CNIH3: variants seen among roughly 807,000 people sequenced by gnomAD.
CNIH3 encodes the protein cornichon family AMPA receptor auxiliary protein 3.
A neutral mutation model predicts 24.1 loss-of-function variants in CNIH3; 14 were observed. That is an observed-to-expected ratio of 0.58 (90% CI 0.38 to 0.91). The LOEUF is 0.91. Ranked by LOEUF, CNIH3 falls within the 40% of genes least tolerant of loss-of-function variation. CNIH3 has a pLI of 0.00. For missense variants in CNIH3, 178 were observed against 196.8 expected, an observed-to-expected ratio of 0.90 and a Z score of 0.57; for synonymous variants, 68 against 73.8, an observed-to-expected ratio of 0.92 and a Z score of 0.40.
intron 4 of CNIH3, among the ~76,000 whole-genome samples, chr1:224,732,124 A>G (rs1689365138): frequency 6.6e-6 from 1 of 152,184 alleles, no homozygotes; most frequent in South Asian, 2.1e-4. Context: ...ATGAAATCCA[A>G]TGAGGGGGTT....
At chr1:224,456,735 A>C (rs1023511769) in intron 1 of CNIH3, among the ~76,000 whole-genome samples, 1 of 151,968 alleles carries the variant, frequency 6.6e-6, no homozygotes, top group Non-Finnish European at 1.5e-5. Context: ...TCTTTTTGAC[A>C]CTCTTCAGCT....
chr1:224,677,816 G>T (rs907189226), intron 1 of CNIH3, among the ~76,000 whole-genome samples: 1 of 152,212 alleles, frequency 6.6e-6, no homozygotes, highest in Non-Finnish European at 1.5e-5. Context: ...TGGGGGCTTG[G>T]CTCCCTTTCC....
At chr1:224,477,108 G>A (rs1348537380) in intron 1 of CNIH3, among the ~76,000 whole-genome samples, 1 of 152,194 alleles carries the variant, frequency 6.6e-6, no homozygotes, top group Non-Finnish European at 1.5e-5. Context: ...AAAGCAAGCA[G>A]CCTCCCCATG....
chr1:224,445,297 C>T (rs762709477), intron 1 of CNIH3, among the ~76,000 whole-genome samples: 8 of 151,080 alleles, frequency 5.3e-5, no homozygotes, highest in Non-Finnish European at 1.2e-4. Context: ...GCCTTTTGGC[C>T]GGGTGTGGTG....
At chr1:224,465,111 C>CTT (rs547660025) in intron 1 of CNIH3, among the ~76,000 whole-genome samples, 8 of 142,746 alleles carry the variant, frequency 5.6e-5, no homozygotes, top group Non-Finnish European at 6.2e-5. Flanking sequence ...TTAGAATTAT[C>CTT]TTTTTTTTTT....
chr1:224,500,329 C>T lies in CNIH3; in HGVS notation n.204-15412C>T, dbSNP rs1425695748. 2.0e-5 allele frequency among the ~76,000 whole-genome samples: 3 copies of T among 152,062 alleles called. No individual in the cohort carries two copies. In the East Asian group the frequency reaches 5.8e-4, roughly 29 times the overall value. ...GCCTGGCCACAATTTCTTCCTAATT[C>T]TCATGGTCCCAAAATGGTTGCCAGC... On this transcript the variant is annotated intron_variant and non_coding_transcript_variant, in intron 1 of 5. Transcript: ENST00000471578.
chr1:224,609,715 G>A (rs1255176894), intron 3 of CNIH3, among the ~76,000 whole-genome samples: 1 of 152,232 alleles, frequency 6.6e-6, no homozygotes, highest in Non-Finnish European at 1.5e-5. Context: ...AGAACAGGAT[G>A]AGTGATGGGG....
chr1:224,446,350 T>G (rs550719824), intron 1 of CNIH3, among the ~76,000 whole-genome samples: 2 of 152,278 alleles, frequency 1.3e-5, no homozygotes, highest in Non-Finnish European at 2.9e-5. Flanking sequence ...TTGGGTCAAT[T>G]TGGGGAGAAC....
intron 3 of CNIH3, among the ~76,000 whole-genome samples, chr1:224,700,495 G>C (rs1047745332): frequency 2.0e-5 from 3 of 152,184 alleles, no homozygotes; most frequent in African/African-American, 7.2e-5. Flanking sequence ...CTGTTCTTTG[G>C]TGAATGGCAA....
intron 1 of CNIH3, among the ~76,000 whole-genome samples, chr1:224,507,174 T>C (rs1677954560): frequency 6.6e-6 from 1 of 152,202 alleles, no homozygotes; most frequent in African/African-American, 2.4e-5. Context: ...CACCAGTTCT[T>C]ATAAACGTAT....
In CNIH3 at chr1:224,684,634, T is replaced by C. The variant is rs935500108; in HGVS notation, c.151-162T>C. Among the ~76,000 whole-genome samples, 3 of 152,136 alleles carry C rather than the reference T, an allele frequency of 2.0e-5. No homozygotes were observed. The highest frequency in any genetic ancestry group is 7.2e-5 in the African/African-American group (3 of 41,438). ...GTACAGGGAAGAAAGTCAGAAACTC[T>C]GTTAGAAAAAGCCACTGGGTGGGAG... is the stretch of plus-strand genomic sequence containing the variant. On this transcript the variant is annotated intron_variant, in intron 2 of 5. Coordinates refer to ENST00000272133, the MANE Select transcript of CNIH3 (RefSeq NM_152495.2). This position sits in a 1 kb window ranked among gnomAD's most constrained non-coding sequence, Gnocchi z 4.2.
At chr1:224,524,805 C>T (rs1042256506) in intron 2 of CNIH3, among the ~76,000 whole-genome samples, 13 of 152,208 alleles carry the variant, frequency 8.5e-5, no homozygotes, top group African/African-American at 2.2e-4. Context: ...TCTTCCCAAC[C>T]GAGATTGTGT....
intron 3 of CNIH3, among the ~76,000 whole-genome samples, chr1:224,611,101 G>A (rs934234326): frequency 5.3e-5 from 8 of 151,764 alleles, no homozygotes; most frequent in African/African-American, 2.0e-4. Context: ...CAACTAGGTA[G>A]TGGCGGCCAA....
chr1:224,689,961 C>T (rs1380163509), intron 3 of CNIH3, among the ~76,000 whole-genome samples: 1 of 152,052 alleles, frequency 6.6e-6, no homozygotes, highest in Non-Finnish European at 1.5e-5. Flanking sequence ...AGGAAGCATC[C>T]TGGAAGGCAG....
chr1:224,600,481 C>T (rs4654053), intron 3 of CNIH3, among the ~76,000 whole-genome samples: 16,676 of 152,130 alleles, frequency 0.11, 1,024 homozygotes, highest in South Asian at 0.24. Flanking sequence ...TGTGAGCCAT[C>T]GTGCCCGGCC....
At chr1:224,518,520 C>T (rs1572400745) in intron 1 of CNIH3, among the ~76,000 whole-genome samples, 1 of 150,448 alleles carries the variant, frequency 6.6e-6, no homozygotes, top group South Asian at 2.1e-4. Flanking sequence ...TTTTTAGAGA[C>T]AGGGTCTTGC....
chr1:224,522,208 TA>T (rs199507706), intron 2 of CNIH3, among the ~76,000 whole-genome samples: 6 of 151,004 alleles, frequency 4.0e-5, no homozygotes, highest in African/African-American at 1.2e-4. Context: ...ATCTGAAAGT[TA>T]AAAAAAAAGA....
intron 1 of CNIH3, chr1:224,661,044 T>G (rs929258830): frequency 2.6e-5 from 4 of 154,042 alleles, no homozygotes; most frequent in African/African-American, 9.7e-5. Flanking sequence ...TGAGAAGCTG[T>G]TTATAAATAC....
intron 5 of CNIH3, among the ~76,000 whole-genome samples, chr1:224,585,858 A>G (rs1417755716): frequency 6.6e-6 from 1 of 152,176 alleles, no homozygotes; most frequent in African/African-American, 2.4e-5. Flanking sequence ...GGATGTAGAT[A>G]GCACAGGGGT....
Sources: allele counts gnomAD v4.1 joint callset (sites outside exome capture counted in the v4.1 genomes callset), GRCh38; gene constraint gnomAD v4.1.1; non-coding constraint Gnocchi (gnomAD v3.1); transcripts MANE v1.5; gene names NCBI Gene and HGNC (gene_info 2026-07-23, HGNC 2026-07-21).